PRKAR1B: variants seen among roughly 807,000 people sequenced by gnomAD.
PRKAR1B encodes the protein protein kinase cAMP-dependent type I regulatory subunit beta.
In PRKAR1B, 22 loss-of-function variants were observed where a neutral mutation model predicts 46.5. The observed-to-expected ratio is 0.47, with a 90% CI of 0.34 to 0.68. The LOEUF (loss-of-function observed/expected upper bound fraction) is 0.68. Ranked by LOEUF, PRKAR1B falls within the 30% of genes least tolerant of loss-of-function variation. PRKAR1B has a pLI of 0.01. For synonymous variants in PRKAR1B, 259 were observed against 217.7 expected (o/e 1.19, Z -1.67); for missense variants, 445 against 535.6 (o/e 0.83, Z 1.67).
At chr7:709,229 A>G (rs1235569989) in intron 2 of PRKAR1B, among the ~76,000 whole-genome samples, 1 of 151,966 alleles carries the variant, frequency 6.6e-6, no homozygotes, top group African/African-American at 2.4e-5. Flanking sequence ...TCTTTAAAGA[A>G]TATATAAAAA....
chr7:574,149 C>T (rs1394298820), intron 9 of PRKAR1B, among the ~76,000 whole-genome samples: 1 of 152,256 alleles, frequency 6.6e-6, no homozygotes. Flanking sequence ...TCCTTGGGCT[C>T]AGCTGGGAGG....
At chr7:710,507 A>T (rs1780562699) in intron 2 of PRKAR1B, among the ~76,000 whole-genome samples, 1 of 152,140 alleles carries the variant, frequency 6.6e-6, no homozygotes, top group Non-Finnish European at 1.5e-5. Flanking sequence ...CCCGGAGAGA[A>T]GACCGTGAGC....
intron 2 of PRKAR1B, among the ~76,000 whole-genome samples, chr7:683,304 T>C (rs1778804576): frequency 2.6e-5 from 4 of 152,188 alleles, no homozygotes; most frequent in Admixed American, 2.6e-4. Flanking sequence ...TCCTTGACTT[T>C]CAAAAACCAT....
chr7:606,052 G>A (rs1441098802), intron 6 of PRKAR1B, 141 bp downstream of exon 6: 1 of 742,300 alleles, frequency 1.3e-6, no homozygotes, highest in Non-Finnish European at 2.3e-6. Context: ...AGAGATAGCA[G>A]TTGCATTTCT....
intron 5 of PRKAR1B, among the ~76,000 whole-genome samples, chr7:606,890 G>GTA: frequency 6.6e-6 from 1 of 151,718 alleles, no homozygotes; most frequent in Admixed American, 6.6e-5. Context: ...ACACACATAT[G>GTA]TATATATGTG....
At chr7:627,282 G>A (rs1223307256) in intron 4 of PRKAR1B, among the ~76,000 whole-genome samples, 1 of 152,324 alleles carries the variant, frequency 6.6e-6, no homozygotes, top group Non-Finnish European at 1.5e-5. Context: ...GAGCCACAGG[G>A]CCTGGCCCCA....
At chr7:583,639 CACAT>C (rs537941590) in intron 8 of PRKAR1B, among the ~76,000 whole-genome samples, 77 of 149,526 alleles carry the variant, frequency 5.1e-4, no homozygotes, top group South Asian at 4.2e-3. Flanking sequence ...CCCCCACACT[CACAT>C]GCATGCACAC....
chr7:638,378 C>T (rs1784230318), intron 4 of PRKAR1B, among the ~76,000 whole-genome samples: 1 of 152,196 alleles, frequency 6.6e-6, no homozygotes, highest in Non-Finnish European at 1.5e-5. Flanking sequence ...CCCCCAGCTC[C>T]CTTCACTGGG....
At position 666,068 on chromosome 7, in the gene PRKAR1B, G is replaced by A. The variant is rs1427935393; in HGVS notation, c.440+11161C>T. Among the ~76,000 whole-genome samples the A allele has an allele frequency of 6.6e-6, 1 of 152,174 alleles. No individual in the cohort carries two copies. The highest frequency in any genetic ancestry group is 2.4e-5 in the African/African-American group (1 of 41,436). On this transcript the variant is annotated intron_variant, in intron 4 of 10. Coordinates refer to ENST00000537384, the MANE Select transcript of PRKAR1B (RefSeq NM_001164760.2). The surrounding 1 kb of genome is among the most constrained non-coding windows in gnomAD (Gnocchi z 4.9). Reference sequence around the variant, plus strand: ...ATGAGGTCCCCGCCGGAGGCCCAACGCACAACACAAACACGCACGGTGCCA... The same window carrying A: ...ATGAGGTCCCCGCCGGAGGCCCAACACACAACACAAACACGCACGGTGCCA...
chr7:679,205 C>G (rs1273311183), intron 3 of PRKAR1B, among the ~76,000 whole-genome samples: 1 of 152,248 alleles, frequency 6.6e-6, no homozygotes, highest in Non-Finnish European at 1.5e-5. Flanking sequence ...TCCTATGATG[C>G]ATTTATCACA....
intron 1 of PRKAR1B, chr7:712,782 C>T (rs943236048): frequency 6.6e-6 from 1 of 150,416 alleles, no homozygotes; most frequent in Admixed American, 6.6e-5. Flanking sequence ...GGGGCCGCCT[C>T]TGATGGCCTG....
intron 4 of PRKAR1B, among the ~76,000 whole-genome samples, chr7:660,975 G>T (rs1470453485): frequency 2.1e-5 from 2 of 93,452 alleles, no homozygotes; most frequent in African/African-American, 4.6e-5. Flanking sequence ...CATGGCACAG[G>T]TCCCCACCCC....
chr7:662,071 C>T (rs1299028516), intron 4 of PRKAR1B, among the ~76,000 whole-genome samples: 4 of 79,774 alleles, frequency 5.0e-5, no homozygotes, highest in Non-Finnish European at 4.8e-5. Context: ...CCCACCCCAA[C>T]GGGTCCAAAT....
chr7:567,469 TCATCACCATCACCTTCATCAC>T (rs1779231786), intron 9 of PRKAR1B, among the ~76,000 whole-genome samples: 3 of 148,562 alleles, frequency 2.0e-5, no homozygotes, highest in Non-Finnish European at 4.5e-5. Flanking sequence ...ACTATCACCA[TCATCACCATCACCTTCATCAC>T]CATCACCATC....
intron 4 of PRKAR1B, among the ~76,000 whole-genome samples, chr7:626,326 T>A (rs935568378): frequency 1.3e-5 from 2 of 152,052 alleles, no homozygotes; most frequent in African/African-American, 4.8e-5. Flanking sequence ...ACCTCATCTC[T>A]ACTAAAAATT....
At chr7:589,783 C>T (rs373209875) in intron 7 of PRKAR1B, among the ~76,000 whole-genome samples, 2 of 152,254 alleles carry the variant, frequency 1.3e-5, no homozygotes, top group Admixed American at 6.5e-5. Context: ...GAGCACCTAC[C>T]GTGTGCACGG....
chr7:725,233 G>A (rs971506946), intron 1 of PRKAR1B, among the ~76,000 whole-genome samples: 17 of 149,922 alleles, frequency 1.1e-4, no homozygotes, highest in African/African-American at 2.2e-4. Context: ...AAAAAAAGAC[G>A]TACCGACAAA....
chr7:675,327 A>C (rs1786518742), intron 4 of PRKAR1B, among the ~76,000 whole-genome samples: 1 of 152,098 alleles, frequency 6.6e-6, no homozygotes, highest in African/African-American at 2.4e-5. Flanking sequence ...CCCCACCTGC[A>C]CTCACGGGCA....
chr7:712,964 C>G (rs1780740679), intron 1 of PRKAR1B: 1 of 152,502 alleles, frequency 6.6e-6, no homozygotes, highest in Non-Finnish European at 1.5e-5. Context: ...GGGCCCAGCC[C>G]CGCTTCCCCA....
Sources: allele counts gnomAD v4.1 joint callset (sites outside exome capture counted in the v4.1 genomes callset), GRCh38; gene constraint gnomAD v4.1.1; non-coding constraint Gnocchi (gnomAD v3.1); transcripts MANE v1.5; gene names NCBI Gene and HGNC (gene_info 2026-07-23, HGNC 2026-07-21).